Variants in UNC5C observed in about 807,000 individuals in gnomAD.
UNC5C encodes the protein netrin receptor UNC5C.
UNC5C carries 47 observed loss-of-function variants against 99.8 expected under a neutral mutation model. That is an observed-to-expected ratio of 0.47 (90% CI 0.37 to 0.60). The LOEUF (loss-of-function observed/expected upper bound fraction) is 0.60, where lower values mean the gene tolerates loss of function less well. Ranked by LOEUF, UNC5C falls within the 20% of genes least tolerant of loss-of-function variation. UNC5C has a pLI of 0.00. For missense variants in UNC5C, 1,062 were observed against 1,165.9 expected (o/e 0.91, Z 1.30); for synonymous variants, 487 against 452.2 (o/e 1.08, Z -0.98).
chr4:95,346,302 C>A (rs757670667), intron 1 of UNC5C, among the ~76,000 whole-genome samples: 1 of 151,836 alleles, frequency 6.6e-6, no homozygotes, highest in Non-Finnish European at 1.5e-5. Context: ...AGTCTCCCAG[C>A]AAAGAAAAGC....
intron 1 of UNC5C, among the ~76,000 whole-genome samples, chr4:95,354,290 C>T (rs1219975668): frequency 6.6e-6 from 1 of 151,630 alleles, no homozygotes; most frequent in Non-Finnish European, 1.5e-5. Context: ...CAAGCTTGCC[C>T]ACATGGTCTA....
At chr4:95,387,171 C>T (rs1745235599) in intron 1 of UNC5C, among the ~76,000 whole-genome samples, 1 of 152,108 alleles carries the variant, frequency 6.6e-6, no homozygotes, top group African/African-American at 2.4e-5. Flanking sequence ...CAAGGTCTCA[C>T]TCTCTCACCC....
At chr4:95,282,918 G>T (rs186285686) in intron 3 of UNC5C, among the ~76,000 whole-genome samples, 414 of 152,144 alleles carry the variant, frequency 2.7e-3, no homozygotes, top group African/African-American at 9.6e-3. Flanking sequence ...GACTCGCCTC[G>T]GGGGAAGAGG....
intron 1 of UNC5C, among the ~76,000 whole-genome samples, chr4:95,394,851 C>G (rs569408500): frequency 6.6e-6 from 1 of 152,116 alleles, no homozygotes; most frequent in South Asian, 2.1e-4. Context: ...TAACTTCACT[C>G]TCCTCTATCT....
At chr4:95,505,903 A>T (rs1721905906) in intron 1 of UNC5C, among the ~76,000 whole-genome samples, 1 of 152,036 alleles carries the variant, frequency 6.6e-6, no homozygotes, top group Non-Finnish European at 1.5e-5. Flanking sequence ...CCAAGAGTAG[A>T]TACAAAGAAT....
At chr4:95,502,933 C>G (rs1422666228) in intron 1 of UNC5C, among the ~76,000 whole-genome samples, 1 of 152,144 alleles carries the variant, frequency 6.6e-6, no homozygotes, top group East Asian at 1.9e-4. Flanking sequence ...TCTGACTAAC[C>G]TTACATTTGC....
intron 1 of UNC5C, among the ~76,000 whole-genome samples, chr4:95,432,885 T>C (rs1746671489): frequency 6.6e-6 from 1 of 152,122 alleles, no homozygotes; most frequent in African/African-American, 2.4e-5. Context: ...CTCCACAGCC[T>C]TCACACTATG....
chr4:95,179,470 G>A (rs1289604517), intron 14 of UNC5C, among the ~76,000 whole-genome samples: 1 of 152,088 alleles, frequency 6.6e-6, no homozygotes, highest in Admixed American at 6.5e-5. Flanking sequence ...GATGAGAACG[G>A]GCGTGGTGGC....
chr4:95,547,002 G>A (rs920495686), intron 1 of UNC5C, among the ~76,000 whole-genome samples: 4 of 151,996 alleles, frequency 2.6e-5, no homozygotes, highest in Non-Finnish European at 5.9e-5. Flanking sequence ...ATTCCACAGG[G>A]AGTCGCGCGG....
chr4:95,235,273 T>A (rs1739066427), intron 7 of UNC5C, among the ~76,000 whole-genome samples: 1 of 152,208 alleles, frequency 6.6e-6, no homozygotes, highest in African/African-American at 2.4e-5. Flanking sequence ...TTTATTATTA[T>A]AAACATAATG....
chr4:95,499,147 C>T (rs1721705769), intron 1 of UNC5C, among the ~76,000 whole-genome samples: 1 of 152,124 alleles, frequency 6.6e-6, no homozygotes, highest in South Asian at 2.1e-4. Flanking sequence ...CATTATGTAA[C>T]TTCCAACTTG....
At position 95,453,018 on chromosome 4, in the gene UNC5C, CA is replaced by C. The variant is rs140618209; in HGVS notation, c.124+95715del. ...CATATGATCATATTTCCTACTATTCCATGCAAAATAATCAGATTTTACGGAA... is the reference window on the plus strand; with the variant it reads ...CATATGATCATATTTCCTACTATTCCTGCAAAATAATCAGATTTTACGGAA... On this transcript the variant is annotated intron_variant, in intron 1 of 15. Transcript: ENST00000453304. Among the ~76,000 whole-genome samples the C allele has an allele frequency of 7.6e-3, 1,153 of 152,204 alleles. 12 individuals are homozygous for C. The highest frequency in any genetic ancestry group is 0.025 in the African/African-American group (1,057 of 41,536).
chr4:95,250,032 G>A (rs147145206), intron 5 of UNC5C, among the ~76,000 whole-genome samples: 148 of 152,288 alleles, frequency 9.7e-4, no homozygotes, highest in African/African-American at 3.5e-3. Flanking sequence ...GATCTTGGTG[G>A]TGCAGGTTCT....
intron 4 of UNC5C, among the ~76,000 whole-genome samples, chr4:95,261,751 T>C (rs1241813252): frequency 6.6e-6 from 1 of 151,474 alleles, no homozygotes; most frequent in Non-Finnish European, 1.5e-5. Context: ...TCGCCCAGGC[T>C]GGAGTGCGGT....
intron 3 of UNC5C, among the ~76,000 whole-genome samples, chr4:95,289,323 G>A (rs1000839412): frequency 2.0e-5 from 3 of 152,108 alleles, no homozygotes; most frequent in African/African-American, 7.2e-5. Context: ...TAAGCTTCTT[G>A]CTTCCCAAAT....
chr4:95,176,943 G>GGTGTGCTGTT (rs71583689), intron 14 of UNC5C, among the ~76,000 whole-genome samples: 6 of 151,736 alleles, frequency 4.0e-5, no homozygotes, highest in East Asian at 2.0e-4. Context: ...ATAATCTCCT[G>GGTGTGCTGTT]GTGTGCCGTT....
chr4:95,206,859 G>T (rs1367529800), intron 10 of UNC5C, 63 bp from the exon 11 acceptor site: 3 of 1,342,028 alleles, frequency 2.2e-6, no homozygotes, highest in Non-Finnish European at 2.9e-6. Flanking sequence ...CTATGCACTT[G>T]GGTTCTGAAG....
At chr4:95,337,514 G>T (rs1325089414) in intron 1 of UNC5C, among the ~76,000 whole-genome samples, 1 of 151,776 alleles carries the variant, frequency 6.6e-6, no homozygotes, top group Non-Finnish European at 1.5e-5. Context: ...TTATTTTATT[G>T]TAAACTACTG....
At chr4:95,328,002 T>G (rs1025140714) in intron 2 of UNC5C, among the ~76,000 whole-genome samples, 5 of 145,460 alleles carry the variant, frequency 3.4e-5, no homozygotes, top group Admixed American at 1.4e-4. Context: ...TTATAACATG[T>G]GCCCTCTGGG....
Sources: allele counts gnomAD v4.1 joint callset (sites outside exome capture counted in the v4.1 genomes callset), GRCh38; gene constraint gnomAD v4.1.1; transcripts MANE v1.5; gene names NCBI Gene and HGNC (gene_info 2026-07-23, HGNC 2026-07-21).